Variants in SNTG1 observed in about 807,000 individuals in gnomAD.
SNTG1 encodes the protein gamma-1-syntrophin.
SNTG1 carries 39 observed loss-of-function variants against 74.7 expected under a neutral mutation model. The observed-to-expected ratio is 0.52, with a 90% confidence interval of 0.40 to 0.68. SNTG1 has a LOEUF of 0.68. Among genes scored for constraint, SNTG1 ranks in the 30% least tolerant of loss-of-function variants. The pLI, the probability that SNTG1 is intolerant of heterozygous loss-of-function variation, is 0.00. For missense variants in SNTG1, 685 were observed against 609.5 expected (o/e 1.12, Z -1.30); for synonymous variants, 254 against 217.1 (o/e 1.17, Z -1.49).
intron 4 of SNTG1, among the ~76,000 whole-genome samples, chr8:50,422,696 G>A (rs2093108384): frequency 6.6e-6 from 1 of 152,068 alleles, no homozygotes; most frequent in Non-Finnish European, 1.5e-5. Flanking sequence ...GGTTGGTGGG[G>A]CCAGATGGAG....
intron 18 of SNTG1, among the ~76,000 whole-genome samples, chr8:50,774,541 T>A (rs1173381154): frequency 6.6e-6 from 1 of 151,754 alleles, no homozygotes; most frequent in Non-Finnish European, 1.5e-5. Flanking sequence ...TAAGTCATTA[T>A]TACATATAAA....
chr8:50,162,103 C>G (rs144439597), intron 1 of SNTG1, among the ~76,000 whole-genome samples: 1 of 152,118 alleles, frequency 6.6e-6, no homozygotes, highest in Non-Finnish European at 1.5e-5. Flanking sequence ...GAGAGCTTGA[C>G]TTGACTGCCA....
intron 18 of SNTG1, among the ~76,000 whole-genome samples, chr8:50,754,098 A>G (rs1225827819): frequency 6.6e-6 from 1 of 151,946 alleles, no homozygotes; most frequent in Admixed American, 6.6e-5. Flanking sequence ...AACCTCTATA[A>G]CCATGACTTG....
chr8:50,123,786 CAGGT>C (rs2081065259), intron 1 of SNTG1, among the ~76,000 whole-genome samples: 2 of 142,282 alleles, frequency 1.4e-5, no homozygotes, highest in African/African-American at 5.1e-5. Context: ...GTGTAACCTA[CAGGT>C]AGCAGCTAAA....
intron 1 of SNTG1, among the ~76,000 whole-genome samples, chr8:49,931,042 C>G (rs1807538800): frequency 6.6e-6 from 1 of 152,224 alleles, no homozygotes; most frequent in South Asian, 2.1e-4. Flanking sequence ...TATTAAAAGA[C>G]TTTGCAATTC....
intron 13 of SNTG1, among the ~76,000 whole-genome samples, chr8:50,647,197 A>G (rs983183493): frequency 6.6e-6 from 1 of 152,116 alleles, no homozygotes; most frequent in Non-Finnish European, 1.5e-5. Flanking sequence ...TCCATGAAAG[A>G]AATAATTAAT....
At chr8:50,790,598 A>C (rs977391134) in intron 18 of SNTG1, among the ~76,000 whole-genome samples, 3 of 151,846 alleles carry the variant, frequency 2.0e-5, no homozygotes, top group African/African-American at 7.2e-5. Context: ...CTAGGAGTGG[A>C]AATGGTTGCC....
At chr8:50,726,659 C>G (rs1052674532) in intron 17 of SNTG1, among the ~76,000 whole-genome samples, 3 of 152,104 alleles carry the variant, frequency 2.0e-5, no homozygotes, top group African/African-American at 7.2e-5. Flanking sequence ...ACCAGCCTGG[C>G]TAACACAGTG....
chr8:50,035,012 G>T (rs1275587344), intron 1 of SNTG1, among the ~76,000 whole-genome samples: 1 of 152,184 alleles, frequency 6.6e-6, no homozygotes, highest in Non-Finnish European at 1.5e-5. Flanking sequence ...ACTCCAAGTT[G>T]TCTTTCTGGC....
intron 1 of SNTG1, among the ~76,000 whole-genome samples, chr8:49,934,176 T>C (rs1191641751): frequency 1.3e-5 from 2 of 152,050 alleles, no homozygotes; most frequent in Non-Finnish European, 2.9e-5. Flanking sequence ...CTTTATAAGG[T>C]ATACCTTACT....
At chr8:50,280,284 G>A (rs191980195) in intron 2 of SNTG1, among the ~76,000 whole-genome samples, 5 of 152,310 alleles carry the variant, frequency 3.3e-5, no homozygotes, top group African/African-American at 1.2e-4. Flanking sequence ...TTAATAGTTA[G>A]AGCAAAGTAA....
intron 1 of SNTG1, among the ~76,000 whole-genome samples, chr8:50,022,085 T>C (rs1371499678): frequency 1.3e-5 from 2 of 152,144 alleles, no homozygotes; most frequent in Non-Finnish European, 2.9e-5. Context: ...GAATACATCA[T>C]AATGTAAAGA....
chr8:50,443,461 A>G (rs2093376906), intron 5 of SNTG1, among the ~76,000 whole-genome samples: 1 of 152,214 alleles, frequency 6.6e-6, no homozygotes, highest in South Asian at 2.1e-4. Flanking sequence ...AGTAAAAAAT[A>G]GAATTATAAT....
Position 49,912,002 on chromosome 8 carries a change from G to C in SNTG1, c.-332G>C, listed in dbSNP as rs1207539839. 2.0e-5 allele frequency: 3 copies of C among 152,382 alleles called. No homozygotes were observed. Among genetic ancestry groups the C allele is most frequent in the African/African-American group, 7.2e-5 (3 of 41,468 alleles). 9.4% of individuals were successfully genotyped at this position (152,382 alleles called of 1,614,324 possible). A position where few individuals can be genotyped will look rare whatever the true frequency, so the allele number is the denominator to read the frequency against. ...AAGAATCATTTTTCTATAGGGGTCT[G>C]GGAGGAATTCTGGAGGAGAGTAAAG... is the stretch of plus-strand genomic sequence containing the variant. On this transcript the variant is annotated 5_prime_UTR_variant, in exon 1 of 19. Transcript: ENST00000642720.
chr8:50,268,875 C>G (rs914987630), intron 2 of SNTG1, among the ~76,000 whole-genome samples: 13 of 151,904 alleles, frequency 8.6e-5, no homozygotes, highest in Admixed American at 7.9e-4. Flanking sequence ...CCCTGGCTGG[C>G]CTCAAACTCC....
chr8:50,272,316 G>C (rs1185165210), intron 2 of SNTG1, among the ~76,000 whole-genome samples: 2 of 152,190 alleles, frequency 1.3e-5, no homozygotes, highest in African/African-American at 4.8e-5. Flanking sequence ...TTCTGGGACA[G>C]TTCAAGTGTC....
intron 11 of SNTG1, among the ~76,000 whole-genome samples, chr8:50,538,749 C>T (rs184919619): frequency 3.9e-5 from 6 of 152,076 alleles, no homozygotes; most frequent in African/African-American, 1.2e-4. Context: ...AGTTTTTGAC[C>T]TTTATTCCTT....
chr8:50,777,865 A>T (rs1177755263), intron 18 of SNTG1, among the ~76,000 whole-genome samples: 9 of 151,844 alleles, frequency 5.9e-5, no homozygotes, highest in Non-Finnish European at 1.2e-4. Flanking sequence ...CCCCCACCCG[A>T]CAACAGTCCC....
chr8:50,213,510 A>G (rs549093825), intron 2 of SNTG1, among the ~76,000 whole-genome samples: 1 of 152,256 alleles, frequency 6.6e-6, no homozygotes, highest in South Asian at 2.1e-4. Context: ...AAAAATAAAT[A>G]TGTACTTTAT....
Sources: allele counts gnomAD v4.1 joint callset (sites outside exome capture counted in the v4.1 genomes callset), GRCh38; gene constraint gnomAD v4.1.1; transcripts MANE v1.5; gene names NCBI Gene and HGNC (gene_info 2026-07-23, HGNC 2026-07-21).